Variants in CDH4 observed in about 807,000 individuals in gnomAD.
CDH4 encodes the protein cadherin 4.
A neutral mutation model predicts 86.0 loss-of-function variants in CDH4; 33 were observed. The ratio of observed to expected loss-of-function variants is 0.38; its 90% confidence interval spans 0.29 to 0.51. CDH4 has a LOEUF of 0.51. CDH4 is among the 20% of genes least tolerant of loss of function. The probability of loss-of-function intolerance (pLI) is 0.86; values close to 1 mark genes in which losing one functional copy is unlikely to be tolerated. For missense variants in CDH4, 1,114 were observed against 1,307.4 expected, an observed-to-expected ratio of 0.85 and a Z score of 2.28; for synonymous variants, 555 against 549.4, an observed-to-expected ratio of 1.01 and a Z score of -0.14.
At chr20:61,872,478 C>T (rs998554085) in intron 6 of CDH4, among the ~76,000 whole-genome samples, 8 of 151,994 alleles carry the variant, frequency 5.3e-5, no homozygotes, top group Non-Finnish European at 8.8e-5. Context: ...ACGAGCACCT[C>T]GGGTCTCTCT....
chr20:61,833,967 G>T (rs2146085325), intron 4 of CDH4, among the ~76,000 whole-genome samples: 1 of 152,322 alleles, frequency 6.6e-6, no homozygotes, highest in African/African-American at 2.4e-5. Flanking sequence ...ATCCATTCTG[G>T]CAGGTCTCCT....
intron 2 of CDH4, among the ~76,000 whole-genome samples, chr20:61,673,612 GT>G (rs1398758567): frequency 1.3e-5 from 2 of 152,206 alleles, no homozygotes; most frequent in African/African-American, 4.8e-5. Flanking sequence ...AAGGCCGCCC[GT>G]TCTTGAATAT....
chr20:61,322,500 A>G (rs2084514309), intron 2 of CDH4, among the ~76,000 whole-genome samples: 1 of 152,120 alleles, frequency 6.6e-6, no homozygotes, highest in Non-Finnish European at 1.5e-5. Context: ...CTCCCTTTAC[A>G]GCCCAGGATG....
chr20:61,924,646 G>A (rs999366458), intron 11 of CDH4, among the ~76,000 whole-genome samples, 170 bp downstream of exon 11: 8 of 152,044 alleles, frequency 5.3e-5, no homozygotes, highest in African/African-American at 1.7e-4. Flanking sequence ...TCAGGGCTGC[G>A]TCATCTCAGG....
rs749117643 is a variant in CDH4, at chr20:61,818,690, T to TA, written c.577-25963dup. Reference sequence around the variant, plus strand: ...GAAGTCTCTTAAAAAACTAAAAATTTAAAAAAAAAAAAAAAGCGGGAAGTT... The same window carrying TA: ...GAAGTCTCTTAAAAAACTAAAAATTTAAAAAAAAAAAAAAAAGCGGGAAGTT... On this transcript the variant is annotated intron_variant, in intron 4 of 15. Transcript: ENST00000614565. 8.9e-4 allele frequency among the ~76,000 whole-genome samples: 127 copies of TA among 142,834 alleles called. 1 individual carries two copies. Among genetic ancestry groups the TA allele is most frequent in the East Asian group, 5.0e-3 (24 of 4,776 alleles). The allele number at this position is 142,834 out of a possible 152,430, so 93.7% of individuals were successfully genotyped here.
chr20:61,896,520 T>A (rs1271978241), intron 8 of CDH4, among the ~76,000 whole-genome samples: 1 of 151,698 alleles, frequency 6.6e-6, no homozygotes, highest in East Asian at 2.0e-4. Context: ...GCAGGGGGGC[T>A]CTAGGTGCTC....
chr20:61,302,123 C>T (rs1036184335), intron 2 of CDH4, among the ~76,000 whole-genome samples: 6 of 152,204 alleles, frequency 3.9e-5, no homozygotes, highest in Non-Finnish European at 7.3e-5. Context: ...CCACTACAAA[C>T]GGTGCCCCTT....
In CDH4 at chr20:61,638,044, AGAGAG is replaced by A. The variant is rs536408477; in HGVS notation, c.170-105509_170-105505del. ...AAAACTCCGTCTAAAAAAAAAATGA[AGAGAG>A]GAGAGGAGAAGAGTCGGGGAGTGAG... On this transcript the variant is annotated intron_variant, in intron 2 of 15. Coordinates refer to ENST00000614565, the MANE Select transcript of CDH4 (RefSeq NM_001794.5). 2.9e-4 allele frequency among the ~76,000 whole-genome samples: 44 copies of A among 152,192 alleles called. 1 individual carries two copies. Among genetic ancestry groups the A allele is most frequent in the Admixed American group, 7.8e-4 (12 of 15,290 alleles).
chr20:61,329,854 A>G, intron 2 of CDH4, among the ~76,000 whole-genome samples: 1 of 34,102 alleles, frequency 2.9e-5, no homozygotes, highest in Admixed American at 2.5e-4. Flanking sequence ...CCCCCACCCC[A>G]TCCCCCGACA....
Position 61,779,278 on chromosome 20 carries a change from C to T in CDH4, c.576+6096C>T, listed in dbSNP as rs1029183893. Among the ~76,000 whole-genome samples, 12 of 152,250 alleles carry T rather than the reference C, an allele frequency of 7.9e-5. No individual in the cohort carries two copies. In the East Asian group the frequency reaches 1.2e-3, roughly 15 times the overall value. ...AGGGGGAACGTGGTGCTCCTGGGTG[C>T]GAATCCTTTCATTTTGGCAGTTGAT... On this transcript the variant is annotated intron_variant, in intron 4 of 15. Coordinates refer to ENST00000614565, the MANE Select transcript of CDH4 (RefSeq NM_001794.5).
rs915138203 is a variant in CDH4, at chr20:61,811,654, G to A, written c.577-33014G>A. Among the ~76,000 whole-genome samples the A allele has an allele frequency of 3.3e-5, 5 of 150,734 alleles. No homozygotes were observed. The highest frequency in any genetic ancestry group is 2.1e-4 in the South Asian group (1 of 4,768). On this transcript the variant is annotated intron_variant, in intron 4 of 15. Transcript: ENST00000614565. The surrounding 1 kb of genome is among the most constrained non-coding windows in gnomAD (Gnocchi z 4.4). ...ACCCGGGGTCACGCCCCTGCCACCC[G>A]GGGTCACGCCCCTGGCTGCCTACTG...
intron 2 of CDH4, among the ~76,000 whole-genome samples, chr20:61,629,582 G>A (rs1484377041): frequency 3.9e-5 from 6 of 152,180 alleles, no homozygotes; most frequent in African/African-American, 1.2e-4. Context: ...AGACAGCTGC[G>A]AACTTGGACA....
chr20:61,459,444 T>A (rs2085429491), intron 2 of CDH4, among the ~76,000 whole-genome samples: 1 of 150,830 alleles, frequency 6.6e-6, no homozygotes, highest in African/African-American at 2.4e-5. Context: ...CACGTATTGG[T>A]ATTGTGTAGG....
chr20:61,294,422 G>C (rs1048640900), intron 2 of CDH4, among the ~76,000 whole-genome samples: 1 of 152,202 alleles, frequency 6.6e-6, no homozygotes, highest in Non-Finnish European at 1.5e-5. Flanking sequence ...ATCCCCCCGG[G>C]GCAGGGCCCC....
At chr20:61,731,753 G>A (rs923706517) in intron 2 of CDH4, among the ~76,000 whole-genome samples, 2 of 152,180 alleles carry the variant, frequency 1.3e-5, no homozygotes, top group African/African-American at 4.8e-5. Flanking sequence ...AGTGGCTCGT[G>A]GGGTAGAAGG....
intron 2 of CDH4, among the ~76,000 whole-genome samples, chr20:61,737,567 C>T (rs2088280332): frequency 6.6e-6 from 1 of 152,206 alleles, no homozygotes; most frequent in Admixed American, 6.5e-5. Flanking sequence ...CTGGCCTCAG[C>T]CTGTGCGGTT....
intron 2 of CDH4, among the ~76,000 whole-genome samples, chr20:61,278,311 A>G (rs2084241243): frequency 6.6e-6 from 1 of 152,244 alleles, no homozygotes; most frequent in Non-Finnish European, 1.5e-5. Context: ...GCAGGAATCA[A>G]ACTGCTTGGC....
chr20:61,700,941 G>A (rs77770406), intron 2 of CDH4, among the ~76,000 whole-genome samples: 1,612 of 152,308 alleles, frequency 0.011, 23 homozygotes, highest in African/African-American at 0.036. Flanking sequence ...AGGTGTATTC[G>A]TGTTCCAGGG....
At chr20:61,395,762 A>G (rs1025398265) in intron 2 of CDH4, among the ~76,000 whole-genome samples, 4 of 152,190 alleles carry the variant, frequency 2.6e-5, no homozygotes, top group African/African-American at 9.7e-5. Flanking sequence ...CCCGGGAAAC[A>G]GGGAGACTCT....
Sources: gnomAD v4.1 joint callset for allele counts (sites outside exome capture counted in the v4.1 genomes callset) on GRCh38, gnomAD v4.1.1 for gene constraint, Gnocchi (gnomAD v3.1) non-coding constraint, MANE v1.5 for transcripts, NCBI Gene and HGNC (gene_info 2026-07-23, HGNC 2026-07-21) for gene names.